Variants in KCNIP4 observed in about 807,000 individuals in gnomAD.
KCNIP4 encodes Kv channel-interacting protein 4.
A neutral mutation model predicts 34.0 loss-of-function variants in KCNIP4; 12 were observed. The observed-to-expected ratio is 0.35, with a 90% CI of 0.23 to 0.57. KCNIP4 has a LOEUF of 0.57. Ranked by LOEUF, KCNIP4 falls within the 20% of genes least tolerant of loss-of-function variation. The pLI, the probability that KCNIP4 is intolerant of heterozygous loss-of-function variation, is 0.83. For synonymous variants in KCNIP4, 124 were observed against 102.2 expected, an observed-to-expected ratio of 1.21 and a Z score of -1.29; for missense variants, 238 against 311.7, an observed-to-expected ratio of 0.76 and a Z score of 1.78.
rs186047022 is a variant in KCNIP4 at position 21,435,781 on chromosome 4, C to T, written c.61+512790G>A. ...AATTGAATTAAAGCCAATTCTTAAC[C>T]GCAGAATGTTTGCAGGCACCTTGTT... On this transcript the variant is annotated intron_variant, in intron 1 of 8. Coordinates refer to ENST00000382152, the MANE Select transcript of KCNIP4 (RefSeq NM_025221.6). Among the ~76,000 whole-genome samples, 12 of 152,140 alleles carry T rather than the reference C, an allele frequency of 7.9e-5. No homozygotes were observed. In the East Asian group the frequency reaches 1.5e-3, roughly 20 times the overall value.
At chr4:21,843,076 A>C (rs1723785282) in intron 1 of KCNIP4, among the ~76,000 whole-genome samples, 1 of 152,132 alleles carries the variant, frequency 6.6e-6, no homozygotes, top group Non-Finnish European at 1.5e-5. Flanking sequence ...TGTTACTCAA[A>C]TTCTCTTAAA....
At chr4:20,873,414 T>C (rs4320133) in intron 2 of KCNIP4, among the ~76,000 whole-genome samples, 31,570 of 152,194 alleles carry the variant, frequency 0.21, 3,464 homozygotes, top group South Asian at 0.34. Context: ...GCACAGACTT[T>C]TCAAGCAGTT....
chr4:21,336,403 T>G (rs1275327741), intron 1 of KCNIP4, among the ~76,000 whole-genome samples: 1 of 152,132 alleles, frequency 6.6e-6, no homozygotes, highest in East Asian at 1.9e-4. Flanking sequence ...TACTGAGAAA[T>G]GAACACCTTC....
intron 1 of KCNIP4, among the ~76,000 whole-genome samples, chr4:21,143,316 G>A (rs1237873236): frequency 6.6e-6 from 1 of 152,200 alleles, no homozygotes; most frequent in Non-Finnish European, 1.5e-5. Flanking sequence ...TTGCTGGTTT[G>A]CAGATAGAGA....
At chr4:21,151,163 C>T (rs1752721526) in intron 1 of KCNIP4, among the ~76,000 whole-genome samples, 1 of 152,094 alleles carries the variant, frequency 6.6e-6, no homozygotes. Flanking sequence ...TTCTTTCACA[C>T]AAGAGTTAAG....
At chr4:21,343,845 T>A (rs185701558) in intron 1 of KCNIP4, among the ~76,000 whole-genome samples, 44 of 152,206 alleles carry the variant, frequency 2.9e-4, no homozygotes, top group Middle Eastern at 3.4e-3. Flanking sequence ...CCAGTTATAG[T>A]TCCAAGGGCT....
At chr4:20,970,832 T>C (rs1327086711) in intron 1 of KCNIP4, among the ~76,000 whole-genome samples, 1 of 152,182 alleles carries the variant, frequency 6.6e-6, no homozygotes, top group Admixed American at 6.5e-5. Context: ...GTCCATGATC[T>C]ACCTAACAGT....
chr4:21,752,893 T>C (rs969530257), intron 1 of KCNIP4, among the ~76,000 whole-genome samples: 1 of 152,220 alleles, frequency 6.6e-6, no homozygotes, highest in Non-Finnish European at 1.5e-5. Context: ...AGCTATCACA[T>C]GCACAGTTAT....
At chr4:21,627,358 T>A (rs1054369437) in intron 1 of KCNIP4, among the ~76,000 whole-genome samples, 4 of 152,092 alleles carry the variant, frequency 2.6e-5, no homozygotes, top group African/African-American at 9.7e-5. Flanking sequence ...CCTACTCCAT[T>A]TTTTCCCGAT....
intron 1 of KCNIP4, among the ~76,000 whole-genome samples, chr4:21,237,334 G>C (rs68047700): frequency 6.6e-6 from 1 of 151,998 alleles, no homozygotes; most frequent in South Asian, 2.1e-4. Flanking sequence ...ATATATAAAC[G>C]AGTTCAGGCA....
chr4:20,810,294 A>G (rs1715567996), intron 3 of KCNIP4, among the ~76,000 whole-genome samples: 1 of 152,074 alleles, frequency 6.6e-6, no homozygotes, highest in Non-Finnish European at 1.5e-5. Context: ...TCTGGCATCC[A>G]TTTATGGGTC....
At position 21,292,746 on chromosome 4, in the gene KCNIP4, C is replaced by T. The variant is rs150056775; in HGVS notation, c.62-410037G>A. ...AGCAGTTGGACACAATATCTCTCAA[C>T]TTCCCATTATGGATACACCAATATC... On this transcript the variant is annotated intron_variant, in intron 1 of 8. Coordinates refer to ENST00000382152, the MANE Select transcript of KCNIP4 (RefSeq NM_025221.6). 5.1e-3 allele frequency among the ~76,000 whole-genome samples: 783 copies of T among 152,298 alleles called. 3 individuals carry two copies. Among genetic ancestry groups the T allele is most frequent in the African/African-American group, 0.012 (479 of 41,566 alleles).
intron 1 of KCNIP4, among the ~76,000 whole-genome samples, chr4:21,410,088 A>G (rs1724351574): frequency 6.6e-6 from 1 of 152,216 alleles, no homozygotes. Flanking sequence ...TGCAGAGTTT[A>G]AAAAGCCTAG....
intron 1 of KCNIP4, among the ~76,000 whole-genome samples, chr4:21,730,760 T>G (rs2109110841): frequency 6.6e-6 from 1 of 152,262 alleles, no homozygotes; most frequent in South Asian, 2.1e-4. Context: ...GATCACAAAC[T>G]TATACGCTGG....
At chr4:20,921,549 C>A (rs1435253430) in intron 1 of KCNIP4, among the ~76,000 whole-genome samples, 2 of 152,080 alleles carry the variant, frequency 1.3e-5, no homozygotes, top group East Asian at 3.9e-4. Flanking sequence ...TAAACAAAAT[C>A]AGTGAAATAA....
chr4:21,432,552 A>T (rs1726586320), intron 1 of KCNIP4, among the ~76,000 whole-genome samples: 1 of 152,162 alleles, frequency 6.6e-6, no homozygotes, highest in Admixed American at 6.5e-5. Context: ...TCTTGTTGAA[A>T]TTTTAGTATC....
chr4:21,800,614 C>T (rs1192629623), intron 1 of KCNIP4, among the ~76,000 whole-genome samples: 1 of 152,142 alleles, frequency 6.6e-6, no homozygotes, highest in Non-Finnish European at 1.5e-5. Context: ...CAATCATGTA[C>T]ATTTTCTGTT....
chr4:21,274,388 A>G (rs1349970167), intron 1 of KCNIP4, among the ~76,000 whole-genome samples: 1 of 152,224 alleles, frequency 6.6e-6, no homozygotes, highest in Non-Finnish European at 1.5e-5. Flanking sequence ...AATCACAAAG[A>G]AAAGAATCTT....
intron 1 of KCNIP4, among the ~76,000 whole-genome samples, chr4:21,094,472 G>A (rs917932139): frequency 2.6e-5 from 4 of 152,126 alleles, no homozygotes; most frequent in East Asian, 1.9e-4. Context: ...GGGAAAGCTC[G>A]ACTGGGAGGA....
Sources: gnomAD v4.1 joint callset for allele counts (sites outside exome capture counted in the v4.1 genomes callset) on GRCh38, gnomAD v4.1.1 for gene constraint, MANE v1.5 for transcripts, NCBI Gene and HGNC (gene_info 2026-07-23, HGNC 2026-07-21) for gene names.